The following DNAH2 variants were observed in gnomAD, a reference collection of about 807,000 sequenced individuals.
DNAH2 encodes the protein dynein axonemal heavy chain 2.
A neutral mutation model predicts 523.5 loss-of-function variants in DNAH2; 323 were observed. The observed-to-expected ratio is 0.62, with a 90% CI of 0.56 to 0.68. The LOEUF (loss-of-function observed/expected upper bound fraction) is 0.68, where lower values mean the gene tolerates loss of function less well. DNAH2 is among the 30% of genes least tolerant of loss of function. The pLI, the probability that DNAH2 is intolerant of heterozygous loss-of-function variation, is 0.00. For missense variants in DNAH2, 4,907 were observed against 5,701.5 expected (o/e 0.86, Z 4.49); for synonymous variants, 2,093 against 2,177.4 (o/e 0.96, Z 1.08).
chr17:7,830,128 T>A (rs2078128228), intron 77 of DNAH2, among the ~76,000 whole-genome samples, 172 bp from the exon 78 acceptor site: 1 of 151,784 alleles, frequency 6.6e-6, no homozygotes, highest in Non-Finnish European at 1.5e-5. Context: ...CTCAGCCTTG[T>A]GGAAGAATGT....
At position 7,831,126 on chromosome 17, in the gene DNAH2, A is replaced by G. The variant is rs1219834571; in HGVS notation, c.12271A>G (p.Ser4091Gly). 1.2e-6 allele frequency: 2 copies of G among 1,613,948 alleles called. No individual in the cohort carries two copies. The highest frequency in any genetic ancestry group is 4.5e-5 in the East Asian group (2 of 44,898). The change falls in exon 80 of 86, where the codon AGC (serine) becomes GGC (glycine). Residue 4091 changes from serine (S) to glycine (G), a missense_variant. This residue lies in a region of DNAH2 where 1,851 missense variants were observed against 2,139.4 expected (regional missense o/e 0.87). Coordinates refer to ENST00000572933, the MANE Select transcript of DNAH2 (RefSeq NM_020877.5). The surrounding 1 kb of genome is among the most constrained non-coding windows in gnomAD (Gnocchi z 4.2). ...GACTTATTTCATCCCCAAGGATGGCAGCCTCGCTTCTTACAAGGAATACAT... is the reference window on the plus strand; with the variant it reads ...GACTTATTTCATCCCCAAGGATGGCGGCCTCGCTTCTTACAAGGAATACAT... The part of the protein sequence containing the change: ...LETYFIPKDG[S>G]LASYKEYISL...
chr17:7,773,319 T>C (rs2076367167), intron 28 of DNAH2, among the ~76,000 whole-genome samples: 1 of 152,220 alleles, frequency 6.6e-6, no homozygotes, highest in South Asian at 2.1e-4. Context: ...CTAGATTGTG[T>C]AAGTGGAGGG....
chr17:7,794,703 G>C (rs982017733), intron 49 of DNAH2, among the ~76,000 whole-genome samples: 5 of 152,088 alleles, frequency 3.3e-5, no homozygotes, highest in Non-Finnish European at 5.9e-5. Flanking sequence ...GAATTTAAGG[G>C]GGCACCCAAA....
At chr17:7,814,380 A>G (rs577458191) in intron 63 of DNAH2, among the ~76,000 whole-genome samples, 1 of 152,262 alleles carries the variant, frequency 6.6e-6, no homozygotes, top group African/African-American at 2.4e-5. Context: ...GGCAAAAAAC[A>G]AGTAGATGAA....
intron 42 of DNAH2, 82 bp from the exon 43 acceptor site, chr17:7,787,778 C>T: frequency 7.4e-7 from 1 of 1,342,286 alleles, no homozygotes; most frequent in Non-Finnish European, 1.0e-6. Flanking sequence ...GAACTTGTAG[C>T]ATCCGAGTTC....
intron 73 of DNAH2, 70 bp from the exon 74 acceptor site, chr17:7,823,372 G>GAGA: frequency 6.5e-6 from 7 of 1,071,962 alleles, no homozygotes; most frequent in South Asian, 3.0e-5. Context: ...AGAGAGAGAG[G>GAGA]AGAAAAAGAT....
In DNAH2 at chr17:7,805,351, C is replaced by T. The variant is rs2077340411; in HGVS notation, c.9400C>T (p.Arg3134Ter). Residue 3134 changes from arginine (R) to a stop codon, truncating the protein, a stop_gained, in exon 61 of 86, where the codon CGA becomes TGA. Transcript: ENST00000572933. LOFTEE classifies it high-confidence loss of function. Reference sequence around the variant, plus strand: ...AGTGATGCAGGCAGTTATGATTCTTCGAGGCAACGAGCCCACATGGGCAGA... The same window carrying T: ...AGTGATGCAGGCAGTTATGATTCTTTGAGGCAACGAGCCCACATGGGCAGA... ...EIVMQAVMIL[R>*]GNEPTWAEAK... 30 of 1,614,202 alleles carry T rather than the reference C, an allele frequency of 1.9e-5. No individual in the cohort carries two copies. The highest frequency in any genetic ancestry group is 2.3e-5 in the Non-Finnish European group (27 of 1,180,038).
chr17:7,723,427 C>T (rs1000283066), intron 2 of DNAH2, among the ~76,000 whole-genome samples: 3 of 151,278 alleles, frequency 2.0e-5, no homozygotes, highest in Non-Finnish European at 4.4e-5. Context: ...CACCCGCCAC[C>T]ACACCTGGCT....
chr17:7,721,957 T>G (rs1345215484), intron 2 of DNAH2, among the ~76,000 whole-genome samples: 5 of 152,166 alleles, frequency 3.3e-5, no homozygotes, highest in Admixed American at 1.3e-4. Flanking sequence ...ACCTCAGTAC[T>G]AACCGCCTTC....
At chr17:7,740,203 C>A (rs2075270488) in intron 9 of DNAH2, among the ~76,000 whole-genome samples, 2 of 152,148 alleles carry the variant, frequency 1.3e-5, no homozygotes, top group Admixed American at 1.3e-4. Context: ...ACTCCACCAG[C>A]TGTCTCCACT....
chr17:7,727,060 A>T (rs1011650603), intron 3 of DNAH2, 62 bp from the exon 4 acceptor site: 6 of 1,471,816 alleles, frequency 4.1e-6, no homozygotes, highest in African/African-American at 1.5e-5. Context: ...GTGATTGTGG[A>T]TGGGAGGAAT....
chr17:7,765,880 C>T (rs968120549), intron 21 of DNAH2, among the ~76,000 whole-genome samples: 12 of 151,948 alleles, frequency 7.9e-5, no homozygotes, highest in African/African-American at 1.5e-4. Flanking sequence ...CAGGTTCAAA[C>T]GATTCTCCTG....
At chr17:7,799,268 A>T in intron 56 of DNAH2, 26 bp downstream of exon 56, 1 of 1,611,408 alleles carries the variant, frequency 6.2e-7, no homozygotes, top group Non-Finnish European at 8.5e-7. Flanking sequence ...TCCTTCTCTC[A>T]GCCCCTTCTG....
rs9303220 is a variant in DNAH2, at chr17:7,742,846, G to A, written c.1690-82G>A. The A allele has an allele frequency of 7.5e-4, 750 of 1,005,794 alleles. 4 individuals are homozygous for A. In the African/African-American group the frequency reaches 0.012, roughly 16 times the overall value. 62.3% of individuals were successfully genotyped at this position (1,005,794 alleles called of 1,614,324 possible). On this transcript the variant is annotated intron_variant, in intron 11 of 85. Transcript: ENST00000572933. ...ATTGTTGGGGTATGTGCGCATGCGCGCATGTGTAGGTCTCAGGGAGATGGT... is the reference window on the plus strand; with the variant it reads ...ATTGTTGGGGTATGTGCGCATGCGCACATGTGTAGGTCTCAGGGAGATGGT...
intron 28 of DNAH2, among the ~76,000 whole-genome samples, chr17:7,772,298 A>C (rs2076339791): frequency 6.6e-6 from 1 of 152,200 alleles, no homozygotes; most frequent in Non-Finnish European, 1.5e-5. Context: ...TATACACATC[A>C]ATAAAAATAA....
intron 63 of DNAH2, among the ~76,000 whole-genome samples, chr17:7,810,436 T>A (rs948889956): frequency 2.6e-4 from 39 of 152,184 alleles, no homozygotes; most frequent in African/African-American, 9.4e-4. Context: ...TCACCCAGGC[T>A]GGAGCACGGT....
intron 45 of DNAH2, 64 bp from the exon 46 acceptor site, chr17:7,792,188 C>T (rs1053187229): frequency 7.5e-6 from 12 of 1,602,140 alleles, no homozygotes; most frequent in African/African-American, 2.7e-5. Flanking sequence ...GTCTGGGGCC[C>T]GTTCTCTGGG....
intron 44 of DNAH2, 37 bp downstream of exon 44, chr17:7,788,281 G>C (rs1292390522): frequency 6.5e-7 from 1 of 1,527,510 alleles, no homozygotes; most frequent in East Asian, 2.4e-5. Context: ...AGGGGCAGGG[G>C]GTGCTCACAG....
intron 73 of DNAH2, 83 bp from the exon 74 acceptor site, chr17:7,823,359 G>GAGAC (rs2151334798): frequency 1.4e-6 from 2 of 1,406,260 alleles, no homozygotes; most frequent in Non-Finnish European, 2.0e-6. Flanking sequence ...GAGAGAGAGA[G>GAGAC]AGAGAGAGAG....
Sources: allele counts gnomAD v4.1 joint callset (sites outside exome capture counted in the v4.1 genomes callset), GRCh38; gene constraint gnomAD v4.1.1; regional missense constraint gnomAD v4.1.1; non-coding constraint Gnocchi (gnomAD v3.1); transcripts MANE v1.5; gene names NCBI Gene and HGNC (gene_info 2026-07-23, HGNC 2026-07-21).